The following ROBO2 variants were observed in gnomAD, a reference collection of about 807,000 sequenced individuals.
ROBO2 encodes the protein roundabout homolog 2.
Under a neutral mutation model 160.8 loss-of-function variants are expected in ROBO2, and 53 were observed. That is an observed-to-expected ratio of 0.33 (90% CI 0.26 to 0.41). ROBO2 has a LOEUF of 0.41. ROBO2 is among the 10% of genes least tolerant of loss of function. The pLI is 1.00. For missense variants in ROBO2, 1,577 were observed against 1,722.4 expected (o/e 0.92, Z 1.49); for synonymous variants, 664 against 611.7 (o/e 1.09, Z -1.26).
intron 2 of ROBO2, among the ~76,000 whole-genome samples, chr3:76,562,605 G>A (rs776526167): frequency 6.6e-6 from 1 of 152,080 alleles, no homozygotes; most frequent in Non-Finnish European, 1.5e-5. Context: ...AACCAATGGA[G>A]AATAAAAGTC....
chr3:77,520,680 A>G (rs1378002753), intron 5 of ROBO2, among the ~76,000 whole-genome samples: 2 of 151,226 alleles, frequency 1.3e-5, no homozygotes, highest in Non-Finnish European at 3.0e-5. Context: ...AAATAGCTAA[A>G]CAGTGGTCAA....
intron 2 of ROBO2, among the ~76,000 whole-genome samples, chr3:76,309,409 A>G (rs1318966005): frequency 6.6e-6 from 1 of 152,210 alleles, no homozygotes; most frequent in Non-Finnish European, 1.5e-5. Context: ...TATTGTTTCT[A>G]AACTAAGGCA....
chr3:77,596,694 T>G, exon 19 of ROBO2: 1 of 1,613,952 alleles, frequency 6.2e-7, no homozygotes, highest in Non-Finnish European at 8.5e-7. Flanking sequence ...GCCACGAGCT[T>G]GCCAGTAAAT....
intron 2 of ROBO2, among the ~76,000 whole-genome samples, chr3:76,644,999 C>T (rs2109778401): frequency 6.6e-6 from 1 of 152,266 alleles, no homozygotes; most frequent in South Asian, 2.1e-4. Flanking sequence ...GGGCACAATG[C>T]CAGGAAATTA....
At chr3:76,470,704 G>C (rs1051278497) in intron 2 of ROBO2, among the ~76,000 whole-genome samples, 1 of 152,062 alleles carries the variant, frequency 6.6e-6, no homozygotes, top group Non-Finnish European at 1.5e-5. Flanking sequence ...CACTGGATTA[G>C]CTCATATTTA....
intron 2 of ROBO2, among the ~76,000 whole-genome samples, chr3:77,217,166 G>C (rs1365202555): frequency 3.4e-5 from 5 of 146,832 alleles, no homozygotes. Context: ...TTTCTTTTCT[G>C]GAGTCTCACT....
At chr3:76,922,188 G>A (rs2076707829) in intron 2 of ROBO2, among the ~76,000 whole-genome samples, 1 of 152,102 alleles carries the variant, frequency 6.6e-6, no homozygotes, top group Admixed American at 6.6e-5. Context: ...GCGGGTGCCT[G>A]TAGTCCCAGC....
At chr3:76,030,507 A>C (rs1027360653) in intron 2 of ROBO2, among the ~76,000 whole-genome samples, 1 of 152,134 alleles carries the variant, frequency 6.6e-6, no homozygotes, top group East Asian at 1.9e-4. Flanking sequence ...TAGGTCTAAC[A>C]TGTAAGTCTT....
exon 1 of ROBO2, chr3:77,040,639 G>T: frequency 1.3e-6 from 2 of 1,530,616 alleles, no homozygotes; most frequent in East Asian, 4.7e-5. Context: ...AACCCCTTCT[G>T]ATCTTGCGAT....
chr3:76,223,072 A>G (rs1032224072), intron 2 of ROBO2, among the ~76,000 whole-genome samples: 1 of 151,664 alleles, frequency 6.6e-6, no homozygotes, highest in Non-Finnish European at 1.5e-5. Context: ...CACAGTCTTA[A>G]TATCCATTCC....
At chr3:77,314,500 T>C (rs780091594) in intron 2 of ROBO2, among the ~76,000 whole-genome samples, 37 of 152,208 alleles carry the variant, frequency 2.4e-4, no homozygotes, top group Non-Finnish European at 4.6e-4. Context: ...AGCCTAATAA[T>C]TATAACATTG....
intron 2 of ROBO2, among the ~76,000 whole-genome samples, chr3:76,750,379 A>T (rs549216019): frequency 1.3e-5 from 2 of 152,232 alleles, no homozygotes; most frequent in South Asian, 4.1e-4. Flanking sequence ...CCCTTTGAAA[A>T]CTGGCACAAG....
intron 2 of ROBO2, among the ~76,000 whole-genome samples, chr3:77,102,706 T>C (rs1343766149): frequency 6.6e-6 from 1 of 152,192 alleles, no homozygotes; most frequent in Non-Finnish European, 1.5e-5. Context: ...TTCTTTACCA[T>C]ACTGCATTCA....
intron 2 of ROBO2, among the ~76,000 whole-genome samples, chr3:76,404,171 G>T (rs2078002586): frequency 6.6e-6 from 1 of 151,528 alleles, no homozygotes; most frequent in African/African-American, 2.4e-5. Context: ...CAACTGGGTT[G>T]GGAGAATCAC....
At chr3:76,533,311 C>A (rs949247951) in intron 2 of ROBO2, among the ~76,000 whole-genome samples, 1 of 152,198 alleles carries the variant, frequency 6.6e-6, no homozygotes, top group Non-Finnish European at 1.5e-5. Flanking sequence ...TCTGTGAAGA[C>A]AACTTCCCTG....
intron 2 of ROBO2, among the ~76,000 whole-genome samples, chr3:76,305,566 C>A (rs1462385970): frequency 6.6e-6 from 1 of 151,708 alleles, no homozygotes; most frequent in Admixed American, 6.6e-5. Flanking sequence ...CAAGACCAGC[C>A]TAGCCACCAT....
At chr3:76,502,318 T>A (rs2080503644) in intron 2 of ROBO2, among the ~76,000 whole-genome samples, 1 of 152,180 alleles carries the variant, frequency 6.6e-6, no homozygotes, top group African/African-American at 2.4e-5. Context: ...CACTTGACTG[T>A]TATGTCACCC....
In ROBO2 at chr3:76,567,620, GATATATATATATATAT is replaced by G. The variant is rs1201854439; in HGVS notation, c.110-530376_110-530361del. On this transcript the variant is annotated intron_variant, in intron 2 of 26. Coordinates refer to the ROBO2 transcript ENST00000487694. ...TATATTTATGCTATACCAAACTACTGATATATATATATATATATATATATATATATATACACATACA... is the reference window on the plus strand; with the variant it reads ...TATATTTATGCTATACCAAACTACTGATATATATATATATATACACATACA... Among the ~76,000 whole-genome samples, 18 of 33,298 alleles carry G rather than the reference GATATATATATATATAT, an allele frequency of 5.4e-4. No homozygotes were observed. In the East Asian group the frequency reaches 0.012, roughly 22 times the overall value. 21.8% of individuals were successfully genotyped at this position (33,298 alleles called of 152,430 possible).
chr3:76,241,994 A>G (rs1223221143), intron 2 of ROBO2, among the ~76,000 whole-genome samples: 1 of 152,190 alleles, frequency 6.6e-6, no homozygotes, highest in Non-Finnish European at 1.5e-5. Context: ...AAGTATGTTG[A>G]GTAGAAAGCA....
Sources: allele counts gnomAD v4.1 joint callset (sites outside exome capture counted in the v4.1 genomes callset), GRCh38; gene constraint gnomAD v4.1.1; transcripts MANE v1.5; gene names NCBI Gene and HGNC (gene_info 2026-07-23, HGNC 2026-07-21).